The following DNAH12 variants were observed in gnomAD, a reference collection of about 807,000 sequenced individuals.
The protein encoded by DNAH12 is axonemal beta dynein heavy chain 12.
In DNAH12, 285 loss-of-function variants were observed where a neutral mutation model predicts 371.5. That is an observed-to-expected ratio of 0.77 (90% CI 0.70 to 0.85). DNAH12 has a LOEUF of 0.85. Ranked by LOEUF, DNAH12 falls within the 40% of genes least tolerant of loss-of-function variation. The pLI, the probability that DNAH12 is intolerant of heterozygous loss-of-function variation, is 0.00. For synonymous variants in DNAH12, 1,200 were observed against 1,213.0 expected (o/e 0.99, Z 0.22); for missense variants, 3,611 against 3,689.4 (o/e 0.98, Z 0.55).
chr3:57,508,797 T>G (rs902019933), intron 6 of DNAH12, among the ~76,000 whole-genome samples: 3 of 152,194 alleles, frequency 2.0e-5, no homozygotes, highest in Non-Finnish European at 2.9e-5. Context: ...CTGAGAGCTC[T>G]GCTAACTTCC....
chr3:57,307,972 C>A (rs754354370), intron 69 of DNAH12, among the ~76,000 whole-genome samples: 6 of 152,212 alleles, frequency 3.9e-5, no homozygotes, highest in African/African-American at 4.8e-5. Context: ...CATCGTGGAA[C>A]TCTATCCTCA....
chr3:57,359,390 T>A (rs1437084005), intron 58 of DNAH12, among the ~76,000 whole-genome samples: 1 of 151,088 alleles, frequency 6.6e-6, no homozygotes, highest in Non-Finnish European at 1.5e-5. Context: ...AGAAACCCCA[T>A]CTCTACTAAA....
intron 29 of DNAH12, among the ~76,000 whole-genome samples, chr3:57,443,707 T>TA (rs199818177): frequency 1.7e-4 from 25 of 150,958 alleles, no homozygotes; most frequent in East Asian, 7.8e-4. Context: ...CTGTTTCCTT[T>TA]AAAAAAAAAT....
At chr3:57,305,364 C>A (rs1168011161) in intron 69 of DNAH12, among the ~76,000 whole-genome samples, 1 of 152,162 alleles carries the variant, frequency 6.6e-6, no homozygotes, top group East Asian at 1.9e-4. Context: ...CCTCGCCAGG[C>A]CGAGCTAGGT....
intron 16 of DNAH12, 71 bp from the exon 17 acceptor site, chr3:57,469,050 G>A (rs2066287944): frequency 7.2e-7 from 1 of 1,392,446 alleles, no homozygotes; most frequent in Non-Finnish European, 9.5e-7. Flanking sequence ...GATCCTTTAG[G>A]CTAGACCCCT....
intron 29 of DNAH12, among the ~76,000 whole-genome samples, chr3:57,442,951 C>A (rs1376598974): frequency 6.6e-6 from 1 of 152,120 alleles, no homozygotes; most frequent in Non-Finnish European, 1.5e-5. Flanking sequence ...CATCACTTGG[C>A]AAAAGGTGGT....
chr3:57,403,284 A>C, intron 43 of DNAH12, 25 bp downstream of exon 43: 1 of 1,527,646 alleles, frequency 6.5e-7, no homozygotes, highest in Non-Finnish European at 8.8e-7. Context: ...TTCATTTTAG[A>C]TACTAGGCTT....
intron 55 of DNAH12, among the ~76,000 whole-genome samples, chr3:57,373,768 T>A (rs2063225980): frequency 6.6e-6 from 1 of 152,198 alleles, no homozygotes; most frequent in Non-Finnish European, 1.5e-5. Flanking sequence ...CAGAACACAT[T>A]TTTTATAACC....
At chr3:57,500,252 G>A (rs954373721) in intron 11 of DNAH12, among the ~76,000 whole-genome samples, 1 of 152,098 alleles carries the variant, frequency 6.6e-6, no homozygotes, top group Non-Finnish European at 1.5e-5. Flanking sequence ...TGTTGGCCAG[G>A]CTGGTCTCGA....
chr3:57,349,204 T>C (rs1402521704), intron 60 of DNAH12, among the ~76,000 whole-genome samples: 1 of 152,048 alleles, frequency 6.6e-6, no homozygotes, highest in Non-Finnish European at 1.5e-5. Context: ...GATATACAAA[T>C]GGCCAACAAG....
At chr3:57,323,311 A>G in intron 63 of DNAH12, 51 bp from the exon 64 acceptor site, 1 of 1,522,576 alleles carries the variant, frequency 6.6e-7, no homozygotes, top group Non-Finnish European at 8.8e-7. Flanking sequence ...AAATTATAAA[A>G]AAGTGCCTTA....
chr3:57,446,744 C>A, intron 25 of DNAH12, 55 bp from the exon 26 acceptor site: 1 of 1,378,642 alleles, frequency 7.3e-7, no homozygotes, highest in Non-Finnish European at 9.5e-7. Context: ...AAAAAAACAA[C>A]AGACACTTGT....
At position 57,317,826 on chromosome 3, in the gene DNAH12, T is replaced by C. The variant is rs147824858; in HGVS notation, c.10525-3195A>G. Among the ~76,000 whole-genome samples, 655 of 152,270 alleles carry C rather than the reference T, an allele frequency of 4.3e-3. 6 individuals carry two copies. Among genetic ancestry groups the C allele is most frequent in the African/African-American group, 0.015 (638 of 41,562 alleles). On this transcript the variant is annotated intron_variant, in intron 65 of 73. Transcript: ENST00000495027. ...CTCCAATTTTGTCCTTGCTAATACA[T>C]GCTGGTTTTTGTTTTTTTGAAAATA...
chr3:57,424,506 G>A (rs970719659), intron 35 of DNAH12, among the ~76,000 whole-genome samples: 3 of 150,858 alleles, frequency 2.0e-5, no homozygotes, highest in Admixed American at 6.6e-5. Context: ...TGCCAGGCGC[G>A]GTGGCTCACG....
At chr3:57,348,009 C>A (rs1350346073) in intron 60 of DNAH12, among the ~76,000 whole-genome samples, 1 of 152,190 alleles carries the variant, frequency 6.6e-6, no homozygotes, top group African/African-American at 2.4e-5. Context: ...AGCTGTTGCA[C>A]TCCTGGTACT....
At chr3:57,432,448 G>A (rs773375180) in intron 32 of DNAH12, among the ~76,000 whole-genome samples, 21 of 151,460 alleles carry the variant, frequency 1.4e-4, no homozygotes, top group African/African-American at 4.9e-5. Context: ...CCAAAGTGCT[G>A]GGATAACAGG....
Position 57,446,647 on chromosome 3 carries a change from G to A in DNAH12, c.3829C>T (p.Pro1277Ser), listed in dbSNP as rs1246701223. 6.5e-7 allele frequency: 1 copy of A among 1,548,456 alleles called. No homozygotes were observed. The highest frequency in any genetic ancestry group is 8.7e-7 in the Non-Finnish European group (1 of 1,145,288). ...GTTTCGGTTTTTCCTGTGCCTGCTG[G>A]CCCCTCTGGAGCACCTCCAAGGTTT... ...YLNLGGAPEGPAGTGKTETTK... is the reference protein window; with the variant it reads ...YLNLGGAPEGSAGTGKTETTK... The change falls in exon 26 of 74, where the codon CCA becomes TCA. Residue 1277 changes from proline (P) to serine (S), a missense_variant. Physicochemically the swap from Pro to Ser is moderately conservative, Grantham distance 74. Transcript: ENST00000495027.
chr3:57,321,014 A>G (rs1322550809), intron 65 of DNAH12, among the ~76,000 whole-genome samples: 1 of 152,214 alleles, frequency 6.6e-6, no homozygotes. Context: ...AGCTTGCTCA[A>G]TGTTGTAATA....
upstream of DNAH12, among the ~76,000 whole-genome samples, chr3:57,547,147 T>C (rs2069586606): frequency 6.6e-6 from 1 of 151,982 alleles, no homozygotes; most frequent in South Asian, 2.1e-4. Context: ...GCCCCCTCCA[T>C]TGCATAAGCC....
Sources: gnomAD v4.1 joint callset for allele counts (sites outside exome capture counted in the v4.1 genomes callset) on GRCh38, gnomAD v4.1.1 for gene constraint, MANE v1.5 for transcripts, NCBI Gene and HGNC (gene_info 2026-07-23, HGNC 2026-07-21) for gene names.